PITPNM3: variants seen among roughly 807,000 people sequenced by gnomAD.
PITPNM3 encodes the protein membrane-associated phosphatidylinositol transfer protein 3.
PITPNM3 carries 26 observed loss-of-function variants against 102.0 expected under a neutral mutation model. That is an observed-to-expected ratio of 0.25 (90% CI 0.19 to 0.35). The LOEUF is 0.35. PITPNM3 is among the 10% of genes least tolerant of loss of function. PITPNM3 has a pLI of 1.00. For missense variants in PITPNM3, 1,083 were observed against 1,346.1 expected (o/e 0.80, Z 3.06); for synonymous variants, 578 against 558.6 (o/e 1.03, Z -0.49).
intron 3 of PITPNM3, among the ~76,000 whole-genome samples, chr17:6,510,590 A>C (rs1907811027): frequency 6.6e-6 from 1 of 152,256 alleles, no homozygotes; most frequent in African/African-American, 2.4e-5. Context: ...TGACCAGCAC[A>C]GGGTCTGACA....
At chr17:6,480,689 AG>A (rs1905614313) in intron 6 of PITPNM3, 1 of 152,410 alleles carries the variant, frequency 6.6e-6, no homozygotes, top group Admixed American at 6.5e-5. Context: ...AAAGTTCCAA[AG>A]CTTCCAGCTG....
At chr17:6,509,392 G>C (rs1272270289) in intron 3 of PITPNM3, among the ~76,000 whole-genome samples, 1 of 152,210 alleles carries the variant, frequency 6.6e-6, no homozygotes, top group Non-Finnish European at 1.5e-5. Context: ...TGCGGAGAGA[G>C]TGATTCAGAC....
At chr17:6,553,684 GGCCGGGTGCCACA>G (rs1351494561) in intron 1 of PITPNM3, among the ~76,000 whole-genome samples, 1 of 152,174 alleles carries the variant, frequency 6.6e-6, no homozygotes, top group Non-Finnish European at 1.5e-5. Context: ...CTCATTCACA[GGCCGGGTGCCACA>G]GCCTCCACTC....
chr17:6,479,509 G>A (rs1022166356), intron 6 of PITPNM3: 2 of 152,402 alleles, frequency 1.3e-5, no homozygotes, highest in Non-Finnish European at 2.9e-5. Flanking sequence ...CTGTTCCCTG[G>A]GGCTTCCGAC....
chr17:6,516,349 G>T (rs1908175785), intron 3 of PITPNM3, among the ~76,000 whole-genome samples: 1 of 150,972 alleles, frequency 6.6e-6, no homozygotes, highest in Non-Finnish European at 1.5e-5. Flanking sequence ...GGATCATGAG[G>T]TCAGGAGATT....
At chr17:6,512,580 AC>A (rs1303980892) in intron 3 of PITPNM3, among the ~76,000 whole-genome samples, 1 of 151,950 alleles carries the variant, frequency 6.6e-6, no homozygotes, top group African/African-American at 2.4e-5. Context: ...TAGAAATGTG[AC>A]CCCCAAAGTC....
At chr17:6,548,893 C>T (rs1208974515) in intron 1 of PITPNM3, among the ~76,000 whole-genome samples, 1 of 152,098 alleles carries the variant, frequency 6.6e-6, no homozygotes, top group East Asian at 1.9e-4. Flanking sequence ...TTGCTTTCAA[C>T]CCTTGTTTGG....
Position 6,556,303 on chromosome 17 carries a change from C to A in PITPNM3, c.22+82G>T. ...CCTCCGCCCACCTGCGCGAGGGGTT[C>A]ACCTGGGCCGGCGGCCCCTCCTCTA... On this transcript the variant is annotated intron_variant, in intron 1 of 19. Coordinates refer to ENST00000262483, the MANE Select transcript of PITPNM3 (RefSeq NM_031220.4). The surrounding 1 kb of genome is among the most constrained non-coding windows in gnomAD (Gnocchi z 5.2). 2 of 1,242,120 alleles carry A rather than the reference C, an allele frequency of 1.6e-6. No individual in the cohort carries two copies. The highest frequency in any genetic ancestry group is 3.2e-5 in the South Asian group (2 of 62,428). 76.9% of individuals were successfully genotyped at this position (1,242,120 alleles called of 1,614,324 possible).
intron 1 of PITPNM3, among the ~76,000 whole-genome samples, chr17:6,544,336 T>C (rs962915483): frequency 3.3e-5 from 5 of 152,102 alleles, no homozygotes; most frequent in African/African-American, 1.2e-4. Context: ...ACCAGCCACG[T>C]CAACAAAGTG....
intron 14 of PITPNM3, among the ~76,000 whole-genome samples, chr17:6,467,655 C>G (rs1267989720): frequency 1.3e-5 from 2 of 152,174 alleles, no homozygotes; most frequent in African/African-American, 4.8e-5. Flanking sequence ...GTCTGTACAA[C>G]CCTGTGCTCC....
At position 6,461,317 on chromosome 17, in the gene PITPNM3, G is replaced by A; in HGVS notation, c.2490+56C>T. The A allele has an allele frequency of 1.3e-6, 2 of 1,569,806 alleles. 1 individual carries two copies. Among genetic ancestry groups the A allele is most frequent in the South Asian group, 2.2e-5 (2 of 90,146 alleles). On this transcript the variant is annotated intron_variant, in intron 18 of 19. Coordinates refer to ENST00000262483, the MANE Select transcript of PITPNM3 (RefSeq NM_031220.4). ...GGGAGGAGGGAGATGGGGAGCGGTG[G>A]AGAGGAGGGCTGCGCTCTCAAGCCA... is the stretch of plus-strand genomic sequence containing the variant.
chr17:6,549,111 C>G (rs1286076245), intron 1 of PITPNM3, among the ~76,000 whole-genome samples: 1 of 152,092 alleles, frequency 6.6e-6, no homozygotes, highest in African/African-American at 2.4e-5. Flanking sequence ...GCTCACCAGC[C>G]CTGGAGAAGA....
In PITPNM3 at chr17:6,556,124, C is replaced by T. The variant is rs992507505; in HGVS notation, c.22+261G>A. Among the ~76,000 whole-genome samples, 6 of 152,004 alleles carry T rather than the reference C, an allele frequency of 3.9e-5. No homozygotes were observed. Among genetic ancestry groups the T allele is most frequent in the Non-Finnish European group, 7.4e-5 (5 of 67,940 alleles). On this transcript the variant is annotated intron_variant, in intron 1 of 19. Transcript: ENST00000262483. The surrounding 1 kb of genome is among the most constrained non-coding windows in gnomAD (Gnocchi z 5.2). ...CCAACGGCGGGACTGGCCCGGGGCG[C>T]CGCAGACCTGGCCCTTTCCGGCGGG...
intron 4 of PITPNM3, 151 bp downstream of exon 4, chr17:6,503,376 G>A: frequency 1.2e-6 from 1 of 853,730 alleles, no homozygotes; most frequent in Non-Finnish European, 1.8e-6. Context: ...CAGGCTGAGT[G>A]ACCCCAGGCC....
intron 2 of PITPNM3, among the ~76,000 whole-genome samples, chr17:6,534,168 G>A (rs1295724201): frequency 6.6e-6 from 1 of 152,180 alleles, no homozygotes; most frequent in African/African-American, 2.4e-5. Flanking sequence ...TGGCCCCCCA[G>A]ATATCCTGTC....
Position 6,490,867 on chromosome 17 carries a change from C to T in PITPNM3, c.275-6575G>A, listed in dbSNP as rs192338669. On this transcript the variant is annotated intron_variant, in intron 4 of 19. Coordinates refer to ENST00000262483, the MANE Select transcript of PITPNM3 (RefSeq NM_031220.4). ...ATCCTAGCTACCTGGGAGACTGAGG[C>T]AGGAGAATCACTTAAACCTGGGAGG... Among the ~76,000 whole-genome samples the T allele has an allele frequency of 3.2e-3, 469 of 147,838 alleles. 12 individuals carry two copies. The highest frequency in any genetic ancestry group is 0.03 in the Admixed American group (436 of 14,640).
chr17:6,465,452 T>G (rs1904719134), intron 14 of PITPNM3, among the ~76,000 whole-genome samples: 4 of 152,246 alleles, frequency 2.6e-5, no homozygotes, highest in Admixed American at 1.3e-4. Flanking sequence ...CTTTTGGTTC[T>G]TTCTTCTACA....
chr17:6,556,338 G>C lies in PITPNM3; in HGVS notation c.22+47C>G. ...GGCGGCCCCTCCTCTAGACGCGCGA[G>C]TCCCTCCCCCGGGCCCCGGCCCTGC... On this transcript the variant is annotated intron_variant, in intron 1 of 19. Transcript: ENST00000262483. This position sits in a 1 kb window ranked among gnomAD's most constrained non-coding sequence, Gnocchi z 5.2. 1.4e-6 allele frequency: 2 copies of C among 1,392,042 alleles called. No individual in the cohort carries two copies. Among genetic ancestry groups the C allele is most frequent in the Non-Finnish European group, 1.9e-6 (2 of 1,065,398 alleles). 86.2% of individuals were successfully genotyped at this position (1,392,042 alleles called of 1,614,324 possible).
intron 2 of PITPNM3, among the ~76,000 whole-genome samples, chr17:6,530,620 A>C (rs754230127): frequency 2.6e-5 from 4 of 152,106 alleles, no homozygotes; most frequent in Non-Finnish European, 2.9e-5. Flanking sequence ...TGAAGGAGAC[A>C]AGTCTTGTGC....
Sources: gnomAD v4.1 joint callset for allele counts (sites outside exome capture counted in the v4.1 genomes callset) on GRCh38, gnomAD v4.1.1 for gene constraint, Gnocchi (gnomAD v3.1) non-coding constraint, MANE v1.5 for transcripts, NCBI Gene and HGNC (gene_info 2026-07-23, HGNC 2026-07-21) for gene names.